CCNG2: variants seen among roughly 807,000 people sequenced by gnomAD.
CCNG2 encodes the protein cyclin G2.
In CCNG2, 20 loss-of-function variants were observed where a neutral mutation model predicts 36.5. The ratio of observed to expected loss-of-function variants is 0.55; its 90% CI spans 0.39 to 0.80. The LOEUF (loss-of-function observed/expected upper bound fraction) is 0.80, where lower values mean the gene tolerates loss of function less well. CCNG2 is among the 30% of genes least tolerant of loss of function. The pLI is 0.00. For synonymous variants in CCNG2, 155 were observed against 140.1 expected (o/e 1.11, Z -0.75); for missense variants, 358 against 390.8 (o/e 0.92, Z 0.71).
intron 3 of CCNG2, among the ~76,000 whole-genome samples, 186 bp from the exon 4 acceptor site, chr4:77,160,535 G>GGGC (rs1402799668): frequency 6.7e-6 from 1 of 148,860 alleles, no homozygotes; most frequent in Non-Finnish European, 1.5e-5. Context: ...TTTTTTTGGG[G>GGGC]GGGGGGGGAG....
intron 6 of CCNG2, among the ~76,000 whole-genome samples, chr4:77,163,929 A>G (rs1441160170): frequency 1.3e-5 from 2 of 152,230 alleles, no homozygotes; most frequent in Non-Finnish European, 2.9e-5. Context: ...TAGCTGATTT[A>G]TTAACAGACC....
intron 1 of CCNG2, chr4:77,158,261 T>C (rs1486421047): frequency 2.2e-6 from 1 of 444,790 alleles, no homozygotes; most frequent in East Asian, 3.9e-5. Context: ...GCGGACAGTT[T>C]CCTGTTTGTG....
At position 77,161,099 on chromosome 4, in the gene CCNG2, C is replaced by CTTTTTTTTTTTT. The variant is rs34505988; in HGVS notation, c.527+136_527+147dup. 4.9e-4 allele frequency: 150 copies of CTTTTTTTTTTTT among 307,770 alleles called. 8 individuals carry two copies. The highest frequency in any genetic ancestry group is 3.7e-3 in the African/African-American group (117 of 32,000). 19.1% of individuals were successfully genotyped at this position (307,770 alleles called of 1,614,324 possible). On this transcript the variant is annotated intron_variant, in intron 4 of 7. Coordinates refer to ENST00000316355, the MANE Select transcript of CCNG2 (RefSeq NM_004354.3). ...TTCAACTTTGACTTTATTGGTAAATCTTTTTTTTTTTTTTTTTTTGGAGAA... is the reference window on the plus strand; with the variant it reads ...TTCAACTTTGACTTTATTGGTAAATCTTTTTTTTTTTTTTTTTTTTTTTTTTTTTTTGGAGAA...
chr4:77,168,711 C>T lies in CCNG2; in HGVS notation c.*2787C>T, dbSNP rs1367853416. The stretch of plus-strand genomic sequence containing the variant: ...TGAAAATTGAGAAGCGCTATCCTTT[C>T]TCTTTGGGCATTATTAGGAGGCTCA... On this transcript the variant is annotated 3_prime_UTR_variant, in exon 8 of 8. Transcript: ENST00000316355. 1 of 152,294 alleles carries T rather than the reference C, an allele frequency of 6.6e-6. No homozygotes were observed. Among genetic ancestry groups the T allele is most frequent in the Non-Finnish European group, 1.5e-5 (1 of 68,126 alleles). 9.4% of individuals were successfully genotyped at this position (152,294 alleles called of 1,614,324 possible). A position where few individuals can be genotyped will look rare whatever the true frequency, so the allele number is the denominator to read the frequency against.
chr4:77,160,735 T>C lies in CCNG2; in HGVS notation c.291T>C (p.His97=), dbSNP rs1227353316. The C allele has an allele frequency of 5.6e-6, 9 of 1,612,456 alleles. No individual in the cohort carries two copies. Among genetic ancestry groups the C allele is most frequent in the South Asian group, 1.1e-5 (1 of 90,468 alleles). ...FLALMKVKPK[H]LSCIGVCSFL... ...TTTTTTCTCAGGTGAAACCTAAACA[T>C]TTGTCTTGCATTGGAGTCTGTTCTT... Residue 97 remains histidine (H), a synonymous_variant, in exon 4 of 8, where the codon CAT becomes CAC. Transcript: ENST00000316355.
chr4:77,164,271 C>T lies in CCNG2; in HGVS notation c.706-3C>T, dbSNP rs1279865945. On this transcript the variant is annotated splice_polypyrimidine_tract_variant and splice_region_variant and intron_variant, in intron 6 of 7. Coordinates refer to ENST00000316355, the MANE Select transcript of CCNG2 (RefSeq NM_004354.3). ...GTAACCTCTTAAAATATTTTTTTTTCAGATTAATGACACTGAGTTCTTCTA... is the reference window on the plus strand; with the variant it reads ...GTAACCTCTTAAAATATTTTTTTTTTAGATTAATGACACTGAGTTCTTCTA... 4 of 1,600,726 alleles carry T rather than the reference C, an allele frequency of 2.5e-6. No homozygotes were observed. The highest frequency in any genetic ancestry group is 3.4e-6 in the Non-Finnish European group (4 of 1,172,968).
intron 1 of CCNG2, 39 bp from the exon 2 acceptor site, chr4:77,158,494 C>G (rs564627222): frequency 6.2e-7 from 1 of 1,611,504 alleles, no homozygotes; most frequent in East Asian, 2.2e-5. Flanking sequence ...ACCCCTCTTA[C>G]CCCCAGATTA....
Position 77,165,975 on chromosome 4 carries a change from A to C in CCNG2, c.*51A>C. 1 of 1,538,018 alleles carries C rather than the reference A, an allele frequency of 6.5e-7. No individual in the cohort carries two copies. Among genetic ancestry groups the C allele is most frequent in the South Asian group, 1.2e-5 (1 of 80,584 alleles). ...ATATTTACAGGTTTCAAAGCAATAA[A>C]TGGGGGAATAGGTAGTTTCCTGGTT... On this transcript the variant is annotated 3_prime_UTR_variant, in exon 8 of 8. Coordinates refer to ENST00000316355, the MANE Select transcript of CCNG2 (RefSeq NM_004354.3).
chr4:77,159,807 C>T (rs1369836037), intron 3 of CCNG2, among the ~76,000 whole-genome samples: 2 of 152,210 alleles, frequency 1.3e-5, no homozygotes, highest in Non-Finnish European at 2.9e-5. Context: ...TATAAGATTT[C>T]ATCTGCCATC....
chr4:77,162,899 C>T (rs1381442269), intron 6 of CCNG2, among the ~76,000 whole-genome samples: 5 of 151,784 alleles, frequency 3.3e-5, no homozygotes, highest in Non-Finnish European at 2.9e-5. Flanking sequence ...TAAGGCTGTC[C>T]AACTCAAACA....
Position 77,157,387 on chromosome 4 carries a change from A to C in CCNG2, c.-120A>C, listed in dbSNP as rs1310341387. 1 of 152,236 alleles carries C rather than the reference A, an allele frequency of 6.6e-6. No individual in the cohort carries two copies. The highest frequency in any genetic ancestry group is 1.9e-4 in the East Asian group (1 of 5,140). 9.4% of individuals were successfully genotyped at this position (152,236 alleles called of 1,614,324 possible). ...CCTGGGAGGAAGGGTCGGATGCCGG[A>C]CCGGGGGCACCGCTGAGGCGGTGGG... On this transcript the variant is annotated 5_prime_UTR_variant, in exon 1 of 8. Transcript: ENST00000316355.
Position 77,159,391 on chromosome 4 carries a change from T to C in CCNG2, c.163T>C (p.Leu55=). ...PENDNTLCPG[L]RNAKVEDLRS... ...GAATGATAACACTTTGTGTCCAGGA[T>C]TGAGAAATGCCAAAGTTGAAGATTT... is the stretch of plus-strand genomic sequence containing the variant. The change falls in exon 3 of 8, where the codon TTG becomes CTG. Residue 55 remains leucine, a synonymous_variant. Transcript: ENST00000316355. The C allele has an allele frequency of 1.2e-6, 2 of 1,613,370 alleles. No homozygotes were observed. The highest frequency in any genetic ancestry group is 2.2e-5 in the South Asian group (2 of 90,836).
chr4:77,161,040 G>T (rs1209682822), intron 4 of CCNG2, 69 bp downstream of exon 4: 4 of 1,142,078 alleles, frequency 3.5e-6, no homozygotes, highest in East Asian at 2.6e-5. Context: ...AATTGGAATG[G>T]CAATGAAATT....
At position 77,168,161 on chromosome 4, in the gene CCNG2, G is replaced by A. The variant is rs1731676527; in HGVS notation, c.*2237G>A. The A allele has an allele frequency of 6.6e-6, 1 of 152,138 alleles. No homozygotes were observed. Among genetic ancestry groups the A allele is most frequent in the Non-Finnish European group, 1.5e-5 (1 of 68,038 alleles). The allele number at this position is 152,138 out of a possible 1,614,324, so 9.4% of individuals were successfully genotyped here. A position where few individuals can be genotyped will look rare whatever the true frequency, so the allele number is the denominator to read the frequency against. On this transcript the variant is annotated 3_prime_UTR_variant, in exon 8 of 8. Coordinates refer to ENST00000316355, the MANE Select transcript of CCNG2 (RefSeq NM_004354.3). The stretch of plus-strand genomic sequence containing the variant: ...GCTGGTTCTTTATGTCTTTCTCAGC[G>A]AATAATTCCATCTATTCATGTTGGA...
In CCNG2 at chr4:77,167,869, T is replaced by C. The variant is rs1191818754; in HGVS notation, c.*1945T>C. Reference sequence around the variant, plus strand: ...CTTACTAAATAATATTAGTAAATAGTGGGCAATATATTCTGCTTTCAGATT... The same window carrying C: ...CTTACTAAATAATATTAGTAAATAGCGGGCAATATATTCTGCTTTCAGATT... On this transcript the variant is annotated 3_prime_UTR_variant, in exon 8 of 8. Coordinates refer to ENST00000316355, the MANE Select transcript of CCNG2 (RefSeq NM_004354.3). 6.6e-6 allele frequency: 1 copy of C among 152,228 alleles called. No individual in the cohort carries two copies. The highest frequency in any genetic ancestry group is 1.5e-5 in the Non-Finnish European group (1 of 68,038). 9.4% of individuals were successfully genotyped at this position (152,228 alleles called of 1,614,324 possible). A position where few individuals can be genotyped will look rare whatever the true frequency, so the allele number is the denominator to read the frequency against.
intron 2 of CCNG2, among the ~76,000 whole-genome samples, chr4:77,159,144 T>C (rs1187240469): frequency 6.6e-6 from 1 of 152,254 alleles, no homozygotes; most frequent in South Asian, 2.1e-4. Flanking sequence ...TGAAGCTCTT[T>C]TATGATGCGT....
chr4:77,164,155 G>A, intron 6 of CCNG2, 119 bp from the exon 7 acceptor site: 1 of 655,954 alleles, frequency 1.5e-6, no homozygotes, highest in East Asian at 2.7e-5. Flanking sequence ...AGGGGTGGAA[G>A]CGGGTAGTGG....
intron 6 of CCNG2, 32 bp from the exon 7 acceptor site, chr4:77,164,242 T>G (rs1337936275): frequency 1.9e-6 from 3 of 1,543,922 alleles, no homozygotes; most frequent in Non-Finnish European, 2.7e-6. Flanking sequence ...TGGGAGACAT[T>G]GCCGTAACCT....
At position 77,166,328 on chromosome 4, in the gene CCNG2, A is replaced by C. The variant is rs1048490852; in HGVS notation, c.*404A>C. 2 of 153,676 alleles carry C rather than the reference A, an allele frequency of 1.3e-5. No homozygotes were observed. Among genetic ancestry groups the C allele is most frequent in the African/African-American group, 4.8e-5 (2 of 41,486 alleles). The allele number at this position is 153,676 out of a possible 1,614,324, so 9.5% of individuals were successfully genotyped here. On this transcript the variant is annotated 3_prime_UTR_variant, in exon 8 of 8. Coordinates refer to ENST00000316355, the MANE Select transcript of CCNG2 (RefSeq NM_004354.3). ...ATGCAAGTGCTTCCTTAGCAGGGACAGTGGATAATCCTTAATGGTTTATCA... is the reference window on the plus strand; with the variant it reads ...ATGCAAGTGCTTCCTTAGCAGGGACCGTGGATAATCCTTAATGGTTTATCA...
Sources: allele counts gnomAD v4.1 joint callset (sites outside exome capture counted in the v4.1 genomes callset), GRCh38; gene constraint gnomAD v4.1.1; transcripts MANE v1.5; gene names NCBI Gene and HGNC (gene_info 2026-07-23, HGNC 2026-07-21).